Variants in MGAT5B observed in about 807,000 individuals in gnomAD.
MGAT5B encodes the protein alpha-1,6-mannosylglycoprotein 6-beta-N-acetylglucosaminyltransferase B, also known as N-acetylglucosaminyl-transferase Vb.
Under a neutral mutation model 95.1 loss-of-function variants are expected in MGAT5B, and 54 were observed. The ratio of observed to expected loss-of-function variants is 0.57; its 90% confidence interval spans 0.46 to 0.71. The LOEUF (loss-of-function observed/expected upper bound fraction) is 0.71. Ranked by LOEUF, MGAT5B falls within the 30% of genes least tolerant of loss-of-function variation. The pLI is 0.00. For missense variants in MGAT5B, 935 were observed against 1,088.6 expected, an observed-to-expected ratio of 0.86 and a Z score of 1.99; for synonymous variants, 464 against 451.0, an observed-to-expected ratio of 1.03 and a Z score of -0.36.
Position 76,930,892 on chromosome 17 carries a change from C to T in MGAT5B, c.1292-1753C>T, listed in dbSNP as rs1266206595. Among the ~76,000 whole-genome samples the T allele has an allele frequency of 1.3e-5, 2 of 152,126 alleles. No homozygotes were observed. Among genetic ancestry groups the T allele is most frequent in the East Asian group, 1.9e-4 (1 of 5,194 alleles). ...CCCCGAAGGCTGAGTAGAATTTCCT[C>T]ATCCGAGACAAGGGAGGAGGGCAGT... is the stretch of plus-strand genomic sequence containing the variant. On this transcript the variant is annotated intron_variant, in intron 10 of 17. Coordinates refer to ENST00000569840, the MANE Select transcript of MGAT5B (RefSeq NM_001199172.2). This position sits in a 1 kb window ranked among gnomAD's most constrained non-coding sequence, Gnocchi z 4.1.
intron 12 of MGAT5B, 141 bp from the exon 13 acceptor site, chr17:76,937,847 T>C: frequency 1.1e-6 from 1 of 934,764 alleles, no homozygotes; most frequent in Non-Finnish European, 1.6e-6. Flanking sequence ...GCGGGGCCTT[T>C]CCCAGTGTCC....
At chr17:76,884,343 A>T (rs888059748) in intron 3 of MGAT5B, among the ~76,000 whole-genome samples, 15 of 152,174 alleles carry the variant, frequency 9.9e-5, no homozygotes, top group African/African-American at 3.6e-4. Flanking sequence ...CACAGCCCAC[A>T]TTTCTAAGCA....
At chr17:76,919,843 C>A (rs1969069824) in intron 8 of MGAT5B, among the ~76,000 whole-genome samples, 1 of 152,244 alleles carries the variant, frequency 6.6e-6, no homozygotes, top group African/African-American at 2.4e-5. Context: ...GCAACCATCG[C>A]CACCATCCAT....
intron 17 of MGAT5B, 107 bp downstream of exon 17, chr17:76,948,193 G>A: frequency 6.9e-7 from 1 of 1,456,280 alleles, no homozygotes; most frequent in Non-Finnish European, 9.0e-7. Context: ...GCCAGTGTGG[G>A]GGGATGTAAT....
chr17:76,912,553 G>A lies in MGAT5B; in HGVS notation c.1025+6366G>A, dbSNP rs896850575. ...CATTTGTTGTAGTTTATTCGCAGAT[G>A]TTCACGGCAGATGTCCTGGCCACTG... On this transcript the variant is annotated intron_variant, in intron 8 of 17. Coordinates refer to ENST00000569840, the MANE Select transcript of MGAT5B (RefSeq NM_001199172.2). The surrounding 1 kb of genome is among the most constrained non-coding windows in gnomAD (Gnocchi z 5.0). 6.6e-6 allele frequency among the ~76,000 whole-genome samples: 1 copy of A among 152,148 alleles called. No homozygotes were observed. Among genetic ancestry groups the A allele is most frequent in the African/African-American group, 2.4e-5 (1 of 41,420 alleles).
At chr17:76,892,152 A>G (rs1342384296) in intron 3 of MGAT5B, among the ~76,000 whole-genome samples, 3 of 152,090 alleles carry the variant, frequency 2.0e-5, no homozygotes, top group South Asian at 2.1e-4. Context: ...GGCTCAAGCA[A>G]TCCTCCCACC....
intron 8 of MGAT5B, among the ~76,000 whole-genome samples, chr17:76,910,250 C>T (rs919886186): frequency 2.0e-5 from 3 of 152,218 alleles, no homozygotes; most frequent in Non-Finnish European, 2.9e-5. Context: ...CCCACTCGCC[C>T]GCCTGCACCC....
intron 8 of MGAT5B, among the ~76,000 whole-genome samples, chr17:76,911,439 A>G (rs978998478): frequency 6.6e-6 from 1 of 152,154 alleles, no homozygotes; most frequent in Admixed American, 6.5e-5. Context: ...CTTGGTTGCT[A>G]GAGTGTGGCT....
chr17:76,904,782 G>A (rs776130815), intron 6 of MGAT5B, among the ~76,000 whole-genome samples: 15 of 152,208 alleles, frequency 9.9e-5, no homozygotes, highest in African/African-American at 3.4e-4. Flanking sequence ...TTTGACAGAC[G>A]ATGCATCTGA....
At chr17:76,890,961 C>CTTT (rs150133278) in intron 3 of MGAT5B, among the ~76,000 whole-genome samples, 2 of 111,644 alleles carry the variant, frequency 1.8e-5, no homozygotes, top group Admixed American at 9.7e-5. Context: ...CTCTGGGGGC[C>CTTT]TTTTTTTTTT....
intron 10 of MGAT5B, among the ~76,000 whole-genome samples, chr17:76,931,129 C>G (rs1969465626): frequency 6.6e-6 from 1 of 152,224 alleles, no homozygotes; most frequent in African/African-American, 2.4e-5. Flanking sequence ...TGGAGTCTTG[C>G]TCTGTTGCCC....
chr17:76,906,634 C>T lies in MGAT5B; in HGVS notation c.1025+447C>T, dbSNP rs1044307257. On this transcript the variant is annotated intron_variant, in intron 8 of 17. Coordinates refer to ENST00000569840, the MANE Select transcript of MGAT5B (RefSeq NM_001199172.2). This position sits in a 1 kb window ranked among gnomAD's most constrained non-coding sequence, Gnocchi z 4.6. ...AGGGGCGTGGTTGGGTGGGTGGTGC[C>T]TGTCCCTTACCCAGTGCTGGGCTTT... Among the ~76,000 whole-genome samples, 1 of 152,112 alleles carries T rather than the reference C, an allele frequency of 6.6e-6. No individual in the cohort carries two copies.
chr17:76,896,142 C>T (rs1401268206), intron 3 of MGAT5B, among the ~76,000 whole-genome samples: 1 of 152,224 alleles, frequency 6.6e-6, no homozygotes, highest in Non-Finnish European at 1.5e-5. Flanking sequence ...TTTTTCTTTT[C>T]CAACCAAGCA....
intron 3 of MGAT5B, among the ~76,000 whole-genome samples, chr17:76,884,437 A>T (rs1199217191): frequency 6.6e-6 from 1 of 151,770 alleles, no homozygotes; most frequent in African/African-American, 2.4e-5. Flanking sequence ...TTATTTATTT[A>T]TTTATTTTTT....
At chr17:76,929,410 C>A (rs948544922) in intron 10 of MGAT5B, among the ~76,000 whole-genome samples, 1 of 152,222 alleles carries the variant, frequency 6.6e-6, no homozygotes, top group African/African-American at 2.4e-5. Flanking sequence ...TTTCACTGAT[C>A]CCCTCATCTC....
chr17:76,946,889 C>A (rs529359854), intron 16 of MGAT5B, among the ~76,000 whole-genome samples: 1 of 152,242 alleles, frequency 6.6e-6, no homozygotes, highest in Admixed American at 6.5e-5. Flanking sequence ...GACAGCCCCA[C>A]GGTTTCAAAA....
At position 76,916,334 on chromosome 17, in the gene MGAT5B, A is replaced by G. The variant is rs987994773; in HGVS notation, c.1026-8632A>G. ...GCCCCCCGGCCAAGTCTGAACATTG[A>G]CCAATAAGCAAGACCGATGGAGGCC... On this transcript the variant is annotated intron_variant, in intron 8 of 17. Transcript: ENST00000569840. The surrounding 1 kb of genome is among the most constrained non-coding windows in gnomAD (Gnocchi z 5.3). 1.3e-5 allele frequency among the ~76,000 whole-genome samples: 2 copies of G among 152,202 alleles called. No individual in the cohort carries two copies. Among genetic ancestry groups the G allele is most frequent in the Non-Finnish European group, 2.9e-5 (2 of 68,032 alleles).
At chr17:76,900,353 G>T (rs687023) in intron 3 of MGAT5B, among the ~76,000 whole-genome samples, 2 of 152,164 alleles carry the variant, frequency 1.3e-5, no homozygotes, top group African/African-American at 4.8e-5. Flanking sequence ...CCATGTCCAA[G>T]TCCTAGCCCC....
chr17:76,880,386 G>A (rs1967365515), intron 2 of MGAT5B, among the ~76,000 whole-genome samples: 2 of 152,182 alleles, frequency 1.3e-5, no homozygotes, highest in African/African-American at 4.8e-5. Flanking sequence ...CCCAGCCAGG[G>A]GGTGACTTAT....
Sources: gnomAD v4.1 joint callset for allele counts (sites outside exome capture counted in the v4.1 genomes callset) on GRCh38, gnomAD v4.1.1 for gene constraint, Gnocchi (gnomAD v3.1) non-coding constraint, MANE v1.5 for transcripts, NCBI Gene and HGNC (gene_info 2026-07-23, HGNC 2026-07-21) for gene names.